CIMAP1D: variants seen among roughly 807,000 people sequenced by gnomAD.
The protein encoded by CIMAP1D is protein CIMAP1D.
At chr19:472,290 A>G in the CIMAP1D span, 1 of 586,778 alleles carries the variant, frequency 1.7e-6, no homozygotes, top group Non-Finnish European at 2.8e-6. Context: ...TTCCTGCCGC[A>G]CTAACTGGGG....
the CIMAP1D span, among the ~76,000 whole-genome samples, chr19:466,788 G>A: frequency 8.4e-6 from 1 of 119,318 alleles, no homozygotes; most frequent in South Asian, 3.3e-4. Context: ...TGGATTGATG[G>A]ATGGGTAGAT....
chr19:465,736 G>A, the CIMAP1D span, among the ~76,000 whole-genome samples: 2 of 145,756 alleles, frequency 1.4e-5, no homozygotes, highest in African/African-American at 5.1e-5. Flanking sequence ...TAGGTGAAAG[G>A]ATGGACAGAT....
the CIMAP1D span, among the ~76,000 whole-genome samples, chr19:491,473 G>C: frequency 1.3e-5 from 2 of 152,090 alleles, no homozygotes; most frequent in African/African-American, 4.8e-5. Context: ...TCCTGGCTGG[G>C]CCCCCGTCTT....
chr19:474,938 G>A, the CIMAP1D span: 1 of 453,534 alleles, frequency 2.2e-6, no homozygotes, highest in Admixed American at 4.4e-5. Context: ...GCCCAAGGCA[G>A]GCTGGTCGGC....
At chr19:467,669 T>A in the CIMAP1D span, 1 of 1,612,010 alleles carries the variant, frequency 6.2e-7, no homozygotes, top group South Asian at 1.1e-5. Flanking sequence ...GGCCCGGCCC[T>A]GCATGGAGTA....
chr19:477,583 C>T, the CIMAP1D span, among the ~76,000 whole-genome samples: 3 of 149,620 alleles, frequency 2.0e-5, no homozygotes, highest in Admixed American at 6.6e-5. Context: ...CGAGACTCCA[C>T]GTCAAAATCA....
At chr19:490,112 G>C in the CIMAP1D span, 1 of 394,340 alleles carries the variant, frequency 2.5e-6, no homozygotes, top group Non-Finnish European at 4.5e-6. Context: ...TCCCAGCACT[G>C]TGGGAGGCCG....
At chr19:472,625 G>A in the CIMAP1D span, 19 of 599,024 alleles carry the variant, frequency 3.2e-5, no homozygotes, top group African/African-American at 2.5e-4. Context: ...TGGGGGCCCC[G>A]GGGAGCAAGA....
At chr19:485,834 C>A in the CIMAP1D span, among the ~76,000 whole-genome samples, 1 of 152,196 alleles carries the variant, frequency 6.6e-6, no homozygotes, top group African/African-American at 2.4e-5. Flanking sequence ...GTGGCTGCTG[C>A]CACCGGCCCG....
At chr19:479,193 C>T in the CIMAP1D span, among the ~76,000 whole-genome samples, 1 of 152,174 alleles carries the variant, frequency 6.6e-6, no homozygotes, top group Non-Finnish European at 1.5e-5. Flanking sequence ...TGAGGGCCAT[C>T]ACCACCCAGG....
At chr19:463,731 G>A in the CIMAP1D span, 1 of 1,434,646 alleles carries the variant, frequency 7.0e-7, no homozygotes, top group Non-Finnish European at 9.3e-7. Context: ...TTCAGGAAAG[G>A]GGAGGGAAGA....
chr19:470,205 T>G, the CIMAP1D span, among the ~76,000 whole-genome samples: 1 of 102,908 alleles, frequency 9.7e-6, no homozygotes, highest in Non-Finnish European at 1.8e-5. Context: ...ATAGGCTAAG[T>G]TCTTTTTTTT....
At chr19:482,843 A>G in the CIMAP1D span, among the ~76,000 whole-genome samples, 132,770 of 152,122 alleles carry the variant, frequency 0.87, 58,142 homozygotes, top group East Asian at 1. Context: ...TCATACGAGC[A>G]CCCCAGCCCC....
chr19:471,804 GCC>G, the CIMAP1D span, among the ~76,000 whole-genome samples: 1 of 151,138 alleles, frequency 6.6e-6, no homozygotes, highest in Non-Finnish European at 1.5e-5. Context: ...GTGCAGTGGC[GCC>G]ATCTCGGCTC....
At chr19:467,795 T>G in the CIMAP1D span, 1 of 1,400,016 alleles carries the variant, frequency 7.1e-7, no homozygotes, top group African/African-American at 1.4e-5. Flanking sequence ...CTGAGAGTGA[T>G]TCTGAAGACA....
At chr19:476,741 ATATTT>A in the CIMAP1D span, among the ~76,000 whole-genome samples, 1 of 152,226 alleles carries the variant, frequency 6.6e-6, no homozygotes, top group African/African-American at 2.4e-5. Context: ...TCCCCCAAAT[ATATTT>A]AGAAGTTAAA....
the CIMAP1D span, chr19:463,917 T>A: frequency 6.2e-7 from 1 of 1,611,568 alleles, no homozygotes; most frequent in Non-Finnish European, 8.5e-7. Context: ...GCTGGCCCGT[T>A]TCGAGTGGCG....
chr19:471,410 A>T, the CIMAP1D span, among the ~76,000 whole-genome samples: 1 of 149,808 alleles, frequency 6.7e-6, no homozygotes, highest in South Asian at 2.1e-4. Context: ...GGCCTCCCAA[A>T]GTGCTGGGAT....
At chr19:464,453 A>C in the CIMAP1D span, 93 of 769,342 alleles carry the variant, frequency 1.2e-4, no homozygotes, top group East Asian at 2.5e-3. Context: ...TGCACCCTGG[A>C]GCTTACAACG....
Sources: gnomAD v4.1 joint callset for allele counts (sites outside exome capture counted in the v4.1 genomes callset) on GRCh38, gnomAD v4.1.1 for gene constraint, MANE v1.5 for transcripts, NCBI Gene and HGNC (gene_info 2026-07-23, HGNC 2026-07-21) for gene names.